The following RIPOR2 variants were observed in gnomAD, a reference collection of about 807,000 sequenced individuals.
RIPOR2 encodes RHO family interacting cell polarization regulator 2, also known as rho family-interacting cell polarization regulator 2.
Under a neutral mutation model 114.5 loss-of-function variants are expected in RIPOR2, and 39 were observed. The observed-to-expected ratio is 0.34, with a 90% CI of 0.26 to 0.44. RIPOR2 has a LOEUF of 0.44. RIPOR2 is among the 20% of genes least tolerant of loss of function. RIPOR2 has a pLI of 1.00. For synonymous variants in RIPOR2, 445 were observed against 484.4 expected, an observed-to-expected ratio of 0.92 and a Z score of 1.07; for missense variants, 1,007 against 1,255.1, an observed-to-expected ratio of 0.80 and a Z score of 2.99.
chr6:24,840,456 T>C (rs1052075084), intron 13 of RIPOR2: 228 of 1,319,188 alleles, frequency 1.7e-4, no homozygotes, highest in Middle Eastern at 1.2e-3. Flanking sequence ...AGCAAAACAA[T>C]GCCAGTTGCT....
chr6:24,804,464 AAC>A lies in RIPOR2; in HGVS notation c.*1907_*1908del, dbSNP rs1197014979. 1 of 152,174 alleles carries A rather than the reference AAC, an allele frequency of 6.6e-6. No homozygotes were observed. The highest frequency in any genetic ancestry group is 2.4e-5 in the African/African-American group (1 of 41,440). The allele number at this position is 152,174 out of a possible 1,614,324, so 9.4% of individuals were successfully genotyped here. ...TAAAAAATAAAAAAATGACAAACCA[AAC>A]ACAAAATCCTGTAACATCTGTGTTT... On this transcript the variant is annotated 3_prime_UTR_variant, in exon 22 of 22. Coordinates refer to ENST00000643898, the MANE Select transcript of RIPOR2 (RefSeq NM_001286445.3).
intron 1 of RIPOR2, among the ~76,000 whole-genome samples, chr6:24,885,645 C>G (rs1766772859): frequency 1.3e-5 from 2 of 152,226 alleles, no homozygotes; most frequent in Admixed American, 1.3e-4. Flanking sequence ...GCTGTTTGAA[C>G]TTTTGCACAT....
At chr6:24,870,218 A>G (rs1434321469) in intron 5 of RIPOR2, among the ~76,000 whole-genome samples, 1 of 152,202 alleles carries the variant, frequency 6.6e-6, no homozygotes, top group Non-Finnish European at 1.5e-5. Context: ...GCATTTTCTA[A>G]TCAACAATGA....
At chr6:24,914,753 A>G (rs1302095279) in intron 1 of RIPOR2, among the ~76,000 whole-genome samples, 10 of 152,230 alleles carry the variant, frequency 6.6e-5, no homozygotes, top group Non-Finnish European at 1.5e-4. Context: ...GTAAATACAC[A>G]ATTCATCAGA....
chr6:24,908,000 C>T (rs1240987100), intron 1 of RIPOR2, among the ~76,000 whole-genome samples: 3 of 142,732 alleles, frequency 2.1e-5, no homozygotes, highest in African/African-American at 7.7e-5. Context: ...TTCCCTTGCT[C>T]CATTGTCTGT....
chr6:24,931,255 C>CA (rs1204673214), intron 1 of RIPOR2, among the ~76,000 whole-genome samples: 3 of 151,634 alleles, frequency 2.0e-5, no homozygotes, highest in Non-Finnish European at 4.4e-5. Context: ...CATGGAAAGA[C>CA]AAAAAAAATA....
intron 1 of RIPOR2, among the ~76,000 whole-genome samples, chr6:24,946,254 T>G (rs1772402163): frequency 6.6e-6 from 1 of 151,998 alleles, no homozygotes; most frequent in African/African-American, 2.4e-5. Flanking sequence ...TTTATATTTT[T>G]AGTAGAGATG....
intron 8 of RIPOR2, among the ~76,000 whole-genome samples, chr6:24,857,386 T>G (rs1336274862): frequency 1.3e-5 from 2 of 152,132 alleles, no homozygotes; most frequent in Non-Finnish European, 2.9e-5. Context: ...GGATGCGCAC[T>G]GGGGGCTTGC....
At chr6:24,934,557 C>A (rs1180216135) in intron 1 of RIPOR2, among the ~76,000 whole-genome samples, 1 of 152,222 alleles carries the variant, frequency 6.6e-6, no homozygotes, top group Non-Finnish European at 1.5e-5. Flanking sequence ...TCTAATTTTT[C>A]TTCAGCGAAC....
chr6:24,826,951 A>G (rs1384634963), intron 18 of RIPOR2, among the ~76,000 whole-genome samples: 1 of 152,088 alleles, frequency 6.6e-6, no homozygotes, highest in Non-Finnish European at 1.5e-5. Context: ...GAAAGAAAAA[A>G]GACACTTAAA....
rs1251681858 is a variant in RIPOR2, at chr6:24,843,743, GTA to G, written c.1165-191_1165-190del. Among the ~76,000 whole-genome samples the G allele has an allele frequency of 2.8e-4, 37 of 130,750 alleles. No homozygotes were observed. In the East Asian group the frequency reaches 6.5e-3, roughly 23 times the overall value. The allele number at this position is 130,750 out of a possible 152,430, so 85.8% of individuals were successfully genotyped here. A position where few individuals can be genotyped will look rare whatever the true frequency, so the allele number is the denominator to read the frequency against. On this transcript the variant is annotated intron_variant, in intron 12 of 21. Transcript: ENST00000643898. The stretch of plus-strand genomic sequence containing the variant: ...TGTGTGTGTGTGTGTGTGTGTGTGT[GTA>G]TCTGGCAAAAGAAAACAGACCATCA...
At chr6:25,023,380 G>C in intron 1 of RIPOR2, 1 of 780,180 alleles carries the variant, frequency 1.3e-6, no homozygotes, top group Non-Finnish European at 2.4e-6. Context: ...CCGGCTCCTC[G>C]TTGTAGGGAG....
chr6:24,896,342 G>A (rs1037318432), intron 1 of RIPOR2, among the ~76,000 whole-genome samples: 1 of 152,178 alleles, frequency 6.6e-6, no homozygotes. Flanking sequence ...CTTAAACAGC[G>A]AAAGGGTTCA....
At chr6:24,812,305 A>T (rs1781227645) in intron 20 of RIPOR2, among the ~76,000 whole-genome samples, 1 of 47,446 alleles carries the variant, frequency 2.1e-5, no homozygotes, top group Non-Finnish European at 6.4e-5. Flanking sequence ...AACAGTGTAA[A>T]AGTGTTCCTA....
At chr6:24,851,028 T>A (rs1207725769) in intron 9 of RIPOR2, among the ~76,000 whole-genome samples, 2 of 152,004 alleles carry the variant, frequency 1.3e-5, no homozygotes, top group African/African-American at 4.8e-5. Context: ...CCCAAGTAGC[T>A]GGGACTACAG....
At chr6:25,017,792 A>C (rs1000792395) in intron 1 of RIPOR2, among the ~76,000 whole-genome samples, 2 of 152,248 alleles carry the variant, frequency 1.3e-5, no homozygotes, top group African/African-American at 4.8e-5. Context: ...TGCAGGAATC[A>C]GCAAAGTGAG....
chr6:24,989,265 A>T (rs1774677189), intron 1 of RIPOR2, among the ~76,000 whole-genome samples: 1 of 151,386 alleles, frequency 6.6e-6, no homozygotes, highest in Admixed American at 6.6e-5. Context: ...ACTTATAAGT[A>T]TATATTTTAC....
At chr6:24,819,230 A>G (rs1314610194) in intron 19 of RIPOR2, among the ~76,000 whole-genome samples, 1 of 152,142 alleles carries the variant, frequency 6.6e-6, no homozygotes, top group Non-Finnish European at 1.5e-5. Context: ...GAAGAAATGT[A>G]TTAGGTCCCA....
chr6:24,840,142 G>T, intron 13 of RIPOR2: 1 of 784,098 alleles, frequency 1.3e-6, no homozygotes, highest in Non-Finnish European at 1.6e-6. Context: ...GCAGAGACAG[G>T]GTCTCCCTAT....
Sources: allele counts gnomAD v4.1 joint callset (sites outside exome capture counted in the v4.1 genomes callset), GRCh38; gene constraint gnomAD v4.1.1; transcripts MANE v1.5; gene names NCBI Gene and HGNC (gene_info 2026-07-23, HGNC 2026-07-21).